SNX29: variants seen among roughly 807,000 people sequenced by gnomAD.
SNX29 encodes the protein sorting nexin-29.
Under a neutral mutation model 102.1 loss-of-function variants are expected in SNX29, and 78 were observed. That is an observed-to-expected ratio of 0.76 (90% confidence interval 0.64 to 0.92). The LOEUF (loss-of-function observed/expected upper bound fraction) is 0.92. SNX29 is among the 40% of genes least tolerant of loss of function. SNX29 has a pLI of 0.00. For missense variants in SNX29, 1,280 were observed against 1,061.7 expected, an observed-to-expected ratio of 1.21 and a Z score of -2.86; for synonymous variants, 580 against 414.5, an observed-to-expected ratio of 1.40 and a Z score of -4.85.
chr16:12,018,622 C>G (rs966990690), intron 3 of SNX29, among the ~76,000 whole-genome samples: 3 of 151,602 alleles, frequency 2.0e-5, no homozygotes, highest in Non-Finnish European at 4.4e-5. Flanking sequence ...ATTTTTGTTA[C>G]TGTTATGCAT....
At chr16:12,137,940 T>G (rs1463426380) in intron 13 of SNX29, among the ~76,000 whole-genome samples, 4 of 152,180 alleles carry the variant, frequency 2.6e-5, no homozygotes, top group Non-Finnish European at 4.4e-5. Flanking sequence ...GCCAGTAGGC[T>G]TCATCCTGCT....
intron 14 of SNX29, among the ~76,000 whole-genome samples, chr16:12,231,933 C>A (rs1294405034): frequency 6.6e-6 from 1 of 152,160 alleles, no homozygotes; most frequent in Non-Finnish European, 1.5e-5. Flanking sequence ...AGCTCATTTC[C>A]TTGGCCTATG....
intron 11 of SNX29, among the ~76,000 whole-genome samples, chr16:12,102,215 C>T (rs536475357): frequency 1.3e-4 from 20 of 152,086 alleles, no homozygotes; most frequent in Non-Finnish European, 2.2e-4. Flanking sequence ...TGAATAGTGC[C>T]GCAGTAAACA....
chr16:12,230,089 C>T (rs1333091865), intron 14 of SNX29, among the ~76,000 whole-genome samples: 1 of 152,198 alleles, frequency 6.6e-6, no homozygotes, highest in African/African-American at 2.4e-5. Flanking sequence ...AAACTTGCAT[C>T]AGCCCGGATT....
intron 20 of SNX29, chr16:12,556,354 T>TG (rs1446078995): frequency 6.6e-6 from 1 of 152,246 alleles, no homozygotes; most frequent in Admixed American, 6.5e-5. Flanking sequence ...TTCACTCACC[T>TG]GGTTGAGTAT....
At chr16:12,154,888 T>C (rs1327465887) in intron 13 of SNX29, among the ~76,000 whole-genome samples, 1 of 152,192 alleles carries the variant, frequency 6.6e-6, no homozygotes, top group Non-Finnish European at 1.5e-5. Flanking sequence ...CTCATAACCA[T>C]AGGCTCTTTA....
intron 19 of SNX29, among the ~76,000 whole-genome samples, chr16:12,496,510 T>C (rs995577234): frequency 9.2e-5 from 9 of 98,322 alleles, no homozygotes; most frequent in African/African-American, 2.3e-4. Context: ...CTCATGGCTT[T>C]TTTTTTTTTT....
At chr16:12,043,995 C>T (rs1596677015) in intron 5 of SNX29, among the ~76,000 whole-genome samples, 1 of 152,348 alleles carries the variant, frequency 6.6e-6, no homozygotes, top group East Asian at 1.9e-4. Flanking sequence ...CTCAGGTGAT[C>T]TGCCCGCCTA....
Position 12,147,615 on chromosome 16 carries a change from A to T in SNX29, c.1595+17857A>T, listed in dbSNP as rs138552629. Reference sequence around the variant, plus strand: ...TGAGTTACTTCCGAGAAATGGTTGGAATGAAACAGCTGGATGTAGCCGATC... The same window carrying T: ...TGAGTTACTTCCGAGAAATGGTTGGTATGAAACAGCTGGATGTAGCCGATC... On this transcript the variant is annotated intron_variant, in intron 13 of 20. Transcript: ENST00000566228. Among the ~76,000 whole-genome samples, 325 of 152,304 alleles carry T rather than the reference A, an allele frequency of 2.1e-3. 1 individual carries two copies. Among genetic ancestry groups the T allele is most frequent in the African/African-American group, 6.8e-3 (281 of 41,552 alleles).
At chr16:12,062,396 A>ATAAG (rs1396256423) in intron 9 of SNX29, among the ~76,000 whole-genome samples, 2 of 150,988 alleles carry the variant, frequency 1.3e-5, no homozygotes, top group Non-Finnish European at 3.0e-5. Flanking sequence ...AAATAAATAA[A>ATAAG]TAAATAAATA....
intron 14 of SNX29, among the ~76,000 whole-genome samples, chr16:12,207,448 G>C (rs1001704303): frequency 5.9e-5 from 9 of 152,190 alleles, no homozygotes; most frequent in Non-Finnish European, 1.3e-4. Context: ...TTAACCCAGT[G>C]CCTTTACTGT....
chr16:12,195,349 T>C (rs866180), intron 13 of SNX29, among the ~76,000 whole-genome samples: 85,859 of 152,172 alleles, frequency 0.56, 28,910 homozygotes, highest in Non-Finnish European at 0.73. Flanking sequence ...CTCATGCATA[T>C]GGTTTTGAGA....
intron 20 of SNX29, among the ~76,000 whole-genome samples, chr16:12,548,046 C>CA (rs1289059240): frequency 6.6e-6 from 1 of 152,170 alleles, no homozygotes; most frequent in Non-Finnish European, 1.5e-5. Flanking sequence ...AGGCAAGCAC[C>CA]ACCCCTGGCA....
chr16:12,219,184 G>A (rs539252092), intron 14 of SNX29, among the ~76,000 whole-genome samples: 9 of 152,070 alleles, frequency 5.9e-5, no homozygotes, highest in Non-Finnish European at 8.8e-5. Flanking sequence ...GATTCAAAGC[G>A]TGGGTGCAGC....
chr16:12,368,194 G>A (rs2082555364), intron 16 of SNX29, among the ~76,000 whole-genome samples: 1 of 152,204 alleles, frequency 6.6e-6, no homozygotes, highest in African/African-American at 2.4e-5. Context: ...ATGAGGGGCT[G>A]GACTCTAGGG....
intron 18 of SNX29, among the ~76,000 whole-genome samples, chr16:12,431,063 G>A (rs1049064839): frequency 6.6e-6 from 1 of 152,118 alleles, no homozygotes; most frequent in Non-Finnish European, 1.5e-5. Context: ...TGTTGGTCAG[G>A]CTGGTCTCGA....
rs1275112365 is a variant in SNX29 at position 12,570,605 on chromosome 16, T to C, written c.*1976T>C. 3 of 232,008 alleles carry C rather than the reference T, an allele frequency of 1.3e-5. No individual in the cohort carries two copies. The East Asian group carries it at 1.8e-4, about 14-fold the overall frequency. The allele number at this position is 232,008 out of a possible 1,614,324, so 14.4% of individuals were successfully genotyped here. The stretch of plus-strand genomic sequence containing the variant: ...GCCTGGGTAGCTACCCTGGAGGTCA[T>C]CTCCCTGTTCTCTGTTGGATAAAGG... On this transcript the variant is annotated 3_prime_UTR_variant, in exon 21 of 21. Coordinates refer to ENST00000566228, the MANE Select transcript of SNX29 (RefSeq NM_032167.5).
chr16:12,092,625 C>T (rs982836371), intron 11 of SNX29, among the ~76,000 whole-genome samples: 1 of 152,222 alleles, frequency 6.6e-6, no homozygotes, highest in African/African-American at 2.4e-5. Context: ...CTTGACCTCT[C>T]TGTGCCTCAG....
At chr16:12,401,024 G>C (rs1216703963) in intron 17 of SNX29, among the ~76,000 whole-genome samples, 3 of 152,012 alleles carry the variant, frequency 2.0e-5, no homozygotes, top group Non-Finnish European at 2.9e-5. Context: ...GTAGAGACAG[G>C]GTTTCACCAT....
Sources: gnomAD v4.1 joint callset for allele counts (sites outside exome capture counted in the v4.1 genomes callset) on GRCh38, gnomAD v4.1.1 for gene constraint, MANE v1.5 for transcripts, NCBI Gene and HGNC (gene_info 2026-07-23, HGNC 2026-07-21) for gene names.